Variants in STARD13 observed in about 807,000 individuals in gnomAD.
The protein encoded by STARD13 is stAR-related lipid transfer protein 13.
Under a neutral mutation model 106.4 loss-of-function variants are expected in STARD13, and 62 were observed. That is an observed-to-expected ratio of 0.58 (90% CI 0.48 to 0.72). STARD13 has a LOEUF of 0.72. STARD13 is among the 30% of genes least tolerant of loss of function. The pLI is 0.00. For missense variants in STARD13, 1,387 were observed against 1,424.0 expected, an observed-to-expected ratio of 0.97 and a Z score of 0.42; for synonymous variants, 565 against 553.0, an observed-to-expected ratio of 1.02 and a Z score of -0.31.
At chr13:33,380,610 G>C in the STARD13 span, among the ~76,000 whole-genome samples, 15 of 151,884 alleles carry the variant, frequency 9.9e-5, no homozygotes, top group African/African-American at 3.4e-4. Flanking sequence ...TTAGTCAAAG[G>C]GGGAGGCAGG....
At chr13:33,360,726 A>ATTCCTTCTGTGTAGG in the STARD13 span, among the ~76,000 whole-genome samples, 1 of 134,638 alleles carries the variant, frequency 7.4e-6, no homozygotes, top group Non-Finnish European at 1.6e-5. Flanking sequence ...AGACAGAAGG[A>ATTCCTTCTGTGTAGG]CATATTGTTG....
chr13:33,598,662 A>G, the STARD13 span, among the ~76,000 whole-genome samples: 1 of 152,254 alleles, frequency 6.6e-6, no homozygotes. Context: ...AATATGAGTG[A>G]AGACATCTTC....
At chr13:33,624,936 A>G in the STARD13 span, among the ~76,000 whole-genome samples, 1 of 152,348 alleles carries the variant, frequency 6.6e-6, no homozygotes, top group African/African-American at 2.4e-5. Context: ...TCCATGCAGA[A>G]CAACTGCAAG....
the STARD13 span, chr13:33,383,518 T>G: frequency 6.6e-6 from 1 of 151,708 alleles, no homozygotes; most frequent in African/African-American, 2.4e-5. Context: ...CCAAGGCAGG[T>G]GGATCACCTA....
intron 1 of STARD13, among the ~76,000 whole-genome samples, chr13:33,342,529 G>T (rs1255404321): frequency 6.7e-6 from 1 of 149,682 alleles, no homozygotes; most frequent in African/African-American, 2.5e-5. Flanking sequence ...TTTTTTTATA[G>T]TTTGTTTTTT....
intron 1 of STARD13, among the ~76,000 whole-genome samples, chr13:33,181,180 T>A (rs1352939754): frequency 2.0e-5 from 3 of 152,138 alleles, no homozygotes; most frequent in East Asian, 3.9e-4. Context: ...ATATCAGCTT[T>A]GTCCTGCTCT....
the STARD13 span, among the ~76,000 whole-genome samples, chr13:33,628,148 AACACACACACACACAC>A: frequency 6.0e-5 from 8 of 133,394 alleles, no homozygotes; most frequent in East Asian, 4.3e-4. Context: ...TCTCTTGTAA[AACACACACACACACAC>A]ACACACACAC....
chr13:33,389,152 T>A, the STARD13 span, among the ~76,000 whole-genome samples: 1 of 151,848 alleles, frequency 6.6e-6, no homozygotes, highest in African/African-American at 2.4e-5. Flanking sequence ...GAGATGGGAT[T>A]TCACCATGTT....
chr13:33,566,809 G>A, the STARD13 span, among the ~76,000 whole-genome samples: 1 of 147,988 alleles, frequency 6.8e-6, no homozygotes, highest in African/African-American at 2.5e-5. Context: ...TCCTTGCTGT[G>A]TCTAAATTCC....
chr13:33,285,117 T>G (rs1434547075), intron 1 of STARD13, among the ~76,000 whole-genome samples: 1 of 152,168 alleles, frequency 6.6e-6, no homozygotes, highest in East Asian at 1.9e-4. Context: ...AATAAACAAG[T>G]GTCCACATTT....
chr13:33,156,518 T>A (rs555893337), intron 3 of STARD13, among the ~76,000 whole-genome samples: 160 of 152,258 alleles, frequency 1.1e-3, no homozygotes, highest in African/African-American at 3.8e-3. Context: ...TTAGTTTTTT[T>A]AAAAAAACTA....
chr13:33,144,950 C>T (rs770831364), intron 3 of STARD13, among the ~76,000 whole-genome samples: 10 of 152,138 alleles, frequency 6.6e-5, no homozygotes, highest in African/African-American at 7.2e-5. Flanking sequence ...ACCACAGACT[C>T]GAATATGCTT....
the STARD13 span, among the ~76,000 whole-genome samples, chr13:33,663,248 G>T: frequency 2.6e-5 from 4 of 151,940 alleles, no homozygotes; most frequent in Non-Finnish European, 4.4e-5. Context: ...ACCATGCCTG[G>T]CCAACGATAT....
intron 1 of STARD13, among the ~76,000 whole-genome samples, chr13:33,258,889 T>G (rs1890499918): frequency 6.6e-6 from 1 of 152,240 alleles, no homozygotes; most frequent in South Asian, 2.1e-4. Context: ...CTTTCTCCTA[T>G]AAGTGTCTTT....
rs566439152 is a variant in STARD13 at position 33,242,490 on chromosome 13, A to C, written c.169+42980T>G. ...CTCCGAAACATGTGCTGTGTCCACT[A>C]AGGGTTAAATGGATTAAGGGCGGTG... On this transcript the variant is annotated intron_variant, in intron 1 of 13. Coordinates refer to ENST00000336934, the MANE Select transcript of STARD13 (RefSeq NM_178006.4). 1.9e-4 allele frequency among the ~76,000 whole-genome samples: 29 copies of C among 152,182 alleles called. No homozygotes were observed. In the East Asian group the frequency reaches 3.9e-3, roughly 20 times the overall value.
chr13:33,331,101 T>C (rs375163884), intron 1 of STARD13, among the ~76,000 whole-genome samples: 22 of 151,176 alleles, frequency 1.5e-4, no homozygotes, highest in African/African-American at 5.1e-4. Context: ...AGGATGAGCT[T>C]TGCAAGCTCC....
At chr13:33,137,740 A>G (rs1004743421) in intron 4 of STARD13, among the ~76,000 whole-genome samples, 4 of 152,208 alleles carry the variant, frequency 2.6e-5, no homozygotes, top group Non-Finnish European at 5.9e-5. Context: ...AATAAGACCA[A>G]AGATCCTTCC....
intron 1 of STARD13, among the ~76,000 whole-genome samples, chr13:33,232,270 G>A (rs964711399): frequency 6.6e-5 from 10 of 152,102 alleles, no homozygotes; most frequent in African/African-American, 2.2e-4. Flanking sequence ...CCGAGATCAC[G>A]CCACTGCACT....
intron 1 of STARD13, among the ~76,000 whole-genome samples, chr13:33,202,854 G>T (rs971793268): frequency 1.3e-5 from 2 of 152,090 alleles, no homozygotes; most frequent in African/African-American, 4.8e-5. Context: ...GGCAAAATTC[G>T]CTCACTTCCT....
Sources: gnomAD v4.1 joint callset for allele counts (sites outside exome capture counted in the v4.1 genomes callset) on GRCh38, gnomAD v4.1.1 for gene constraint, MANE v1.5 for transcripts, NCBI Gene and HGNC (gene_info 2026-07-23, HGNC 2026-07-21) for gene names.